The following BRIP1 variants were observed in gnomAD, a reference collection of about 807,000 sequenced individuals.
The protein encoded by BRIP1 is Fanconi anemia group J protein.
Under a neutral mutation model 119.7 loss-of-function variants are expected in BRIP1, and 88 were observed. That is an observed-to-expected ratio of 0.74 (90% CI 0.62 to 0.88). BRIP1 has a LOEUF of 0.88. Among genes scored for constraint, BRIP1 ranks in the 40% least tolerant of loss-of-function variants. BRIP1 has a pLI of 0.00. For synonymous variants in BRIP1, 443 were observed against 496.5 expected, an observed-to-expected ratio of 0.89 and a Z score of 1.43; for missense variants, 1,259 against 1,455.4, an observed-to-expected ratio of 0.87 and a Z score of 2.20.
At chr17:61,779,456 C>A (rs1455875442) in intron 13 of BRIP1, among the ~76,000 whole-genome samples, 1 of 151,934 alleles carries the variant, frequency 6.6e-6, no homozygotes, top group Non-Finnish European at 1.5e-5. Context: ...CCCGTCTCTA[C>A]TAAAAATACA....
rs1370202870 is a variant in BRIP1 at position 61,695,748 on chromosome 17, T to C, written c.2493-2236A>G. Among the ~76,000 whole-genome samples, 2 of 152,160 alleles carry C rather than the reference T, an allele frequency of 1.3e-5. No homozygotes were observed. Among genetic ancestry groups the C allele is most frequent in the Non-Finnish European group, 2.9e-5 (2 of 68,004 alleles). On this transcript the variant is annotated intron_variant, in intron 17 of 19. Coordinates refer to ENST00000259008, the MANE Select transcript of BRIP1 (RefSeq NM_032043.3). The surrounding 1 kb of genome is among the most constrained non-coding windows in gnomAD (Gnocchi z 4.3). The stretch of plus-strand genomic sequence containing the variant: ...TTCTTTCTGATGTTATTTTAAATGG[T>C]ATTTTTTAAGTTCATTTTTAGATTT...
intron 13 of BRIP1, among the ~76,000 whole-genome samples, chr17:61,777,523 T>C (rs949724743): frequency 1.3e-5 from 2 of 152,180 alleles, no homozygotes; most frequent in Non-Finnish European, 2.9e-5. Flanking sequence ...TACTTGCACT[T>C]CTGACTGATC....
chr17:61,819,971 T>A (rs1363184701), intron 6 of BRIP1, among the ~76,000 whole-genome samples: 2 of 151,788 alleles, frequency 1.3e-5, no homozygotes, highest in African/African-American at 4.8e-5. Context: ...TGCATGCCTG[T>A]ATCAAAATGT....
intron 17 of BRIP1, among the ~76,000 whole-genome samples, chr17:61,707,526 G>C (rs1603288845): frequency 6.6e-6 from 1 of 152,112 alleles, no homozygotes; most frequent in East Asian, 1.9e-4. Context: ...CTATGTATCA[G>C]AAGTTGGTTA....
rs1322535001 is a variant in BRIP1, at chr17:61,713,527, T to G, written c.2492+2424A>C. On this transcript the variant is annotated intron_variant, in intron 17 of 19. Transcript: ENST00000259008. This position sits in a 1 kb window ranked among gnomAD's most constrained non-coding sequence, Gnocchi z 4.9. Reference sequence around the variant, plus strand: ...CTACATGAGTGTTTATGTCTTCATTTTTTTTTTTTTTTGAGATGGAGTCTC... The same window carrying G: ...CTACATGAGTGTTTATGTCTTCATTGTTTTTTTTTTTTGAGATGGAGTCTC... Among the ~76,000 whole-genome samples the G allele has an allele frequency of 2.0e-5, 3 of 151,368 alleles. No homozygotes were observed. The highest frequency in any genetic ancestry group is 7.3e-5 in the African/African-American group (3 of 41,288).
chr17:61,786,684 T>C (rs997178255), intron 10 of BRIP1, among the ~76,000 whole-genome samples: 1 of 143,970 alleles, frequency 6.9e-6, no homozygotes, highest in Non-Finnish European at 1.5e-5. Context: ...ATTAACAGCT[T>C]TATTGAGCTA....
chr17:61,725,729 A>G lies in BRIP1; in HGVS notation c.2380-9666T>C, dbSNP rs566454815. On this transcript the variant is annotated intron_variant, in intron 16 of 19. Coordinates refer to ENST00000259008, the MANE Select transcript of BRIP1 (RefSeq NM_032043.3). This position sits in a 1 kb window ranked among gnomAD's most constrained non-coding sequence, Gnocchi z 5.3. ...CTCCAACTCCTGGGTTCAAGCAATC[A>G]TTCTGCTTCAGCCTCCTCAGTAGCT... Among the ~76,000 whole-genome samples the G allele has an allele frequency of 1.3e-5, 2 of 152,048 alleles. No individual in the cohort carries two copies. Among genetic ancestry groups the G allele is most frequent in the Non-Finnish European group, 2.9e-5 (2 of 67,984 alleles).
At chr17:61,781,252 G>A (rs1190201263) in intron 11 of BRIP1, among the ~76,000 whole-genome samples, 1 of 152,098 alleles carries the variant, frequency 6.6e-6, no homozygotes, top group Non-Finnish European at 1.5e-5. Context: ...TCTTTTATCA[G>A]CTACTTCCTA....
rs1022449131 is a variant in BRIP1, at chr17:61,758,877, T to G, written c.2098-14286A>C. On this transcript the variant is annotated intron_variant, in intron 14 of 19. Transcript: ENST00000259008. The surrounding 1 kb of genome is among the most constrained non-coding windows in gnomAD (Gnocchi z 5.3). ...TTTTAAAAAATGTATCTGGGTGTGG[T>G]GGCACATGCCTGTAGTACCAGCTAC... Among the ~76,000 whole-genome samples the G allele has an allele frequency of 6.6e-6, 1 of 151,926 alleles. No homozygotes were observed. The highest frequency in any genetic ancestry group is 1.5e-5 in the Non-Finnish European group (1 of 67,938).
chr17:61,830,451 T>G (rs2078477257), intron 6 of BRIP1, among the ~76,000 whole-genome samples: 2 of 128,644 alleles, frequency 1.6e-5, no homozygotes, highest in African/African-American at 3.5e-5. Context: ...AAAAAGGAGA[T>G]AGACACAAAT....
intron 6 of BRIP1, among the ~76,000 whole-genome samples, chr17:61,835,073 T>G (rs1028080142): frequency 2.0e-5 from 3 of 152,256 alleles, no homozygotes; most frequent in African/African-American, 7.2e-5. Flanking sequence ...TAAGGATTAA[T>G]GTTAATAATT....
rs2077279819 is a variant in BRIP1, at chr17:61,761,744, T to C, written c.2097+14657A>G. ...TTGTACGCTGAAATCTATAAAATGT[T>C]GATGAGAGAAATTGTAGAAGATACA... On this transcript the variant is annotated intron_variant, in intron 14 of 19. Coordinates refer to ENST00000259008, the MANE Select transcript of BRIP1 (RefSeq NM_032043.3). This position sits in a 1 kb window ranked among gnomAD's most constrained non-coding sequence, Gnocchi z 6.4. Among the ~76,000 whole-genome samples, 1 of 151,994 alleles carries C rather than the reference T, an allele frequency of 6.6e-6. No homozygotes were observed. Among genetic ancestry groups the C allele is most frequent in the Non-Finnish European group, 1.5e-5 (1 of 67,980 alleles).
chr17:61,784,299 T>A lies in BRIP1; in HGVS notation c.1599A>T (p.Val533=), dbSNP rs2145136038. The change falls in exon 11 of 20, where the codon GTA becomes GTT. Residue 533 remains valine, a synonymous_variant. Transcript: ENST00000259008. ...TATTTTGCCTAAAAAGATAGTCAAG[T>A]ACCATAAAAAGTCCTTTAAGCATTA... is the stretch of plus-strand genomic sequence containing the variant. ...TQIMLKGLFM[V]LDYLFRQNSR... 6.2e-7 allele frequency: 1 copy of A among 1,613,286 alleles called. No homozygotes were observed. Among genetic ancestry groups the A allele is most frequent in the African/African-American group, 1.3e-5 (1 of 75,014 alleles).
In BRIP1 at chr17:61,810,613, C is replaced by CT. The variant is rs1388433498; in HGVS notation, c.628-1857_628-1856insA. On this transcript the variant is annotated intron_variant, in intron 6 of 19. Coordinates refer to ENST00000259008, the MANE Select transcript of BRIP1 (RefSeq NM_032043.3). The surrounding 1 kb of genome is among the most constrained non-coding windows in gnomAD (Gnocchi z 4.7). ...ATTCTATCTAAGCATAAAAGTAATC[C>CT]AATAAAGTAGCTTTTTCTCAAGGCT... Among the ~76,000 whole-genome samples the CT allele has an allele frequency of 4.6e-5, 7 of 152,106 alleles. No homozygotes were observed. The highest frequency in any genetic ancestry group is 1.7e-4 in the African/African-American group (7 of 41,506).
intron 10 of BRIP1, among the ~76,000 whole-genome samples, chr17:61,787,834 C>T (rs1330965538): frequency 2.6e-5 from 4 of 151,756 alleles, no homozygotes; most frequent in African/African-American, 4.8e-5. Context: ...TTAGTAGAGA[C>T]GGGGTTTCAC....
chr17:61,846,988 AGT>A lies in BRIP1; in HGVS notation c.627+111_627+112del. On this transcript the variant is annotated intron_variant, in intron 6 of 19. Coordinates refer to ENST00000259008, the MANE Select transcript of BRIP1 (RefSeq NM_032043.3). The surrounding 1 kb of genome is among the most constrained non-coding windows in gnomAD (Gnocchi z 4.3). ...GATGTGACAGCATTGAGGACTTCTG[AGT>A]GGGTTGCTACTGTCCTTTGTATTAT... The A allele has an allele frequency of 1.5e-6, 2 of 1,302,592 alleles. No individual in the cohort carries two copies. The highest frequency in any genetic ancestry group is 2.5e-5 in the South Asian group (2 of 80,720). 80.7% of individuals were successfully genotyped at this position (1,302,592 alleles called of 1,614,324 possible).
rs2077866827 is a variant in BRIP1 at position 61,794,342 on chromosome 17, T to G, written c.1341-613A>C. 2.6e-5 allele frequency among the ~76,000 whole-genome samples: 4 copies of G among 152,020 alleles called. No homozygotes were observed. The highest frequency in any genetic ancestry group is 2.6e-4 in the Admixed American group (4 of 15,240). The stretch of plus-strand genomic sequence containing the variant: ...ACATAAACAAGAAAATGTCAGGTAG[T>G]CATGGGATACTATATGGCCATAAAA... On this transcript the variant is annotated intron_variant, in intron 9 of 19. Transcript: ENST00000259008. The surrounding 1 kb of genome is among the most constrained non-coding windows in gnomAD (Gnocchi z 4.3).
At chr17:61,763,891 G>A (rs963423055) in intron 14 of BRIP1, among the ~76,000 whole-genome samples, 1 of 151,992 alleles carries the variant, frequency 6.6e-6, no homozygotes, top group Admixed American at 6.6e-5. Flanking sequence ...ATTTCTCTAT[G>A]AACATAGATG....
chr17:61,711,442 T>C, intron 17 of BRIP1, among the ~76,000 whole-genome samples: 1 of 152,130 alleles, frequency 6.6e-6, no homozygotes, highest in East Asian at 1.9e-4. Flanking sequence ...GATGCTTCAA[T>C]AACCTTCAGT....
Sources: gnomAD v4.1 joint callset for allele counts (sites outside exome capture counted in the v4.1 genomes callset) on GRCh38, gnomAD v4.1.1 for gene constraint, Gnocchi (gnomAD v3.1) non-coding constraint, MANE v1.5 for transcripts, NCBI Gene and HGNC (gene_info 2026-07-23, HGNC 2026-07-21) for gene names.